The following TMEM132D variants were observed in gnomAD, a reference collection of about 807,000 sequenced individuals.
TMEM132D encodes mature OL transmembrane protein.
In TMEM132D, 21 loss-of-function variants were observed where a neutral mutation model predicts 62.3. That is an observed-to-expected ratio of 0.34 (90% CI 0.24 to 0.49). TMEM132D has a LOEUF of 0.49. Ranked by LOEUF, TMEM132D falls within the 20% of genes least tolerant of loss-of-function variation. The pLI is 0.99. For missense variants in TMEM132D, 1,346 were observed against 1,402.8 expected (o/e 0.96, Z 0.65); for synonymous variants, 621 against 575.6 (o/e 1.08, Z -1.13).
chr12:129,085,857 G>A (rs576770860), intron 5 of TMEM132D: 1 of 152,360 alleles, frequency 6.6e-6, no homozygotes, highest in Admixed American at 6.5e-5. Context: ...CTCTTGTCTT[G>A]TCTCCTAGCT....
chr12:129,636,737 T>TGTGTGTGTGTGTGTGTGTGTGAGAGA (rs375868329), intron 2 of TMEM132D, among the ~76,000 whole-genome samples: 63 of 113,610 alleles, frequency 5.5e-4, no homozygotes, highest in Admixed American at 8.9e-4. Flanking sequence ...TGTGTGTGTG[T>TGTGTGTGTGTGTGTGTGTGTGAGAGA]GAGAGAGAGA....
intron 2 of TMEM132D, among the ~76,000 whole-genome samples, chr12:129,549,943 G>A (rs547178206): frequency 6.6e-6 from 1 of 152,288 alleles, no homozygotes; most frequent in South Asian, 2.1e-4. Context: ...AAACACGAAG[G>A]TCTTCAGGTT....
intron 3 of TMEM132D, among the ~76,000 whole-genome samples, chr12:129,451,069 A>G (rs59572196): frequency 0.045 from 6,797 of 152,012 alleles, 501 homozygotes; most frequent in African/African-American, 0.15. Flanking sequence ...GCCAATTTTC[A>G]TCACTTCTTA....
intron 1 of TMEM132D, among the ~76,000 whole-genome samples, chr12:129,770,246 C>T (rs1297070409): frequency 1.4e-5 from 2 of 142,556 alleles, no homozygotes; most frequent in Non-Finnish European, 3.0e-5. Flanking sequence ...TGGGTTCAAG[C>T]GATTGTCCTG....
intron 2 of TMEM132D, among the ~76,000 whole-genome samples, chr12:129,596,510 A>G (rs576200528): frequency 6.6e-6 from 1 of 151,770 alleles, no homozygotes; most frequent in African/African-American, 2.4e-5. Context: ...AAATCTGTGG[A>G]CACCAAAATC....
chr12:129,571,562 G>T (rs1219220099), intron 2 of TMEM132D, among the ~76,000 whole-genome samples: 1 of 151,880 alleles, frequency 6.6e-6, no homozygotes, highest in Non-Finnish European at 1.5e-5. Context: ...AACAGAATGA[G>T]ACTCCATCTC....
chr12:129,694,147 C>T (rs1343196318), intron 2 of TMEM132D, among the ~76,000 whole-genome samples: 4 of 152,188 alleles, frequency 2.6e-5, no homozygotes, highest in Non-Finnish European at 5.9e-5. Flanking sequence ...ACTAAAAAGG[C>T]AAGAACTGGG....
In TMEM132D at chr12:129,269,718, T is replaced by A. The variant is rs78827207; in HGVS notation, c.1300-60055A>T. ...GTTACCACTGTTCTAGGGTCTGCTT[T>A]GTTCCTGCCTGTTCCGCTCCAGCTC... On this transcript the variant is annotated intron_variant, in intron 4 of 8. Transcript: ENST00000422113. Among the ~76,000 whole-genome samples the A allele has an allele frequency of 2.0e-5, 3 of 152,176 alleles. No homozygotes were observed. The East Asian group carries it at 5.8e-4, about 29-fold the overall frequency.
chr12:129,436,514 CTTTTAGT>C (rs1215646361), intron 3 of TMEM132D, among the ~76,000 whole-genome samples: 1 of 152,160 alleles, frequency 6.6e-6, no homozygotes, highest in Non-Finnish European at 1.5e-5. Flanking sequence ...ATATGCAAGA[CTTTTAGT>C]TGCAGCATTA....
intron 3 of TMEM132D, among the ~76,000 whole-genome samples, chr12:129,513,869 GCT>G (rs1461859538): frequency 7.6e-6 from 1 of 132,264 alleles, no homozygotes; most frequent in Non-Finnish European, 1.6e-5. Flanking sequence ...ACGGAGTCTC[GCT>G]CTGTCGCCCA....
In TMEM132D at chr12:129,645,910, G is replaced by T. The variant is rs190146254; in HGVS notation, c.968+53900C>A. Among the ~76,000 whole-genome samples the T allele has an allele frequency of 1.5e-4, 23 of 152,186 alleles. 1 individual carries two copies. The East Asian group carries it at 4.5e-3, about 30-fold the overall frequency. ...GAAGTTCCCCTATATGTTCTAAAAG[G>T]GGGTAGAACCCTCAGTTCCAGGAAC... On this transcript the variant is annotated intron_variant, in intron 2 of 8. Coordinates refer to ENST00000422113, the MANE Select transcript of TMEM132D (RefSeq NM_133448.3).
At chr12:129,860,601 C>A (rs528705175) in intron 1 of TMEM132D, among the ~76,000 whole-genome samples, 1 of 152,132 alleles carries the variant, frequency 6.6e-6, no homozygotes, top group Non-Finnish European at 1.5e-5. Flanking sequence ...CTTCTCATAA[C>A]CTAATTTTAT....
At chr12:129,690,807 G>C (rs1881045152) in intron 2 of TMEM132D, among the ~76,000 whole-genome samples, 1 of 152,130 alleles carries the variant, frequency 6.6e-6, no homozygotes. Context: ...AAATCAGTAA[G>C]GATGTAGATG....
intron 2 of TMEM132D, among the ~76,000 whole-genome samples, chr12:129,651,551 C>T (rs976839104): frequency 6.6e-6 from 1 of 152,128 alleles, no homozygotes; most frequent in African/African-American, 2.4e-5. Context: ...TAAACCACAA[C>T]GTGTCTGAAA....
intron 2 of TMEM132D, among the ~76,000 whole-genome samples, chr12:129,607,098 C>A (rs570086435): frequency 4.5e-4 from 68 of 149,916 alleles, no homozygotes; most frequent in African/African-American, 1.7e-3. Flanking sequence ...AGTCACTCTG[C>A]AATTGGGGAG....
intron 3 of TMEM132D, among the ~76,000 whole-genome samples, chr12:129,420,306 G>GGTTTTTTTT (rs1457529737): frequency 2.7e-5 from 3 of 112,298 alleles, no homozygotes; most frequent in East Asian, 3.6e-4. Context: ...CACGTTCTCT[G>GGTTTTTTTT]TTTTTTTTTT....
In TMEM132D at chr12:129,587,472, C is replaced by T. The variant is rs573532648; in HGVS notation, c.969-56267G>A. 5.3e-5 allele frequency among the ~76,000 whole-genome samples: 8 copies of T among 152,070 alleles called. No homozygotes were observed. In the South Asian group the frequency reaches 1.5e-3, roughly 28 times the overall value. ...TCATTTCCTGGGTGATGAACTAATT[C>T]GTACAACAAACCCCCATGACACGAG... On this transcript the variant is annotated intron_variant, in intron 2 of 8. Transcript: ENST00000422113.
chr12:129,684,237 A>C (rs1880853334), intron 2 of TMEM132D, among the ~76,000 whole-genome samples: 1 of 152,172 alleles, frequency 6.6e-6, no homozygotes, highest in South Asian at 2.1e-4. Context: ...AGAAAGATCC[A>C]GTGGGAGATA....
At chr12:129,397,167 T>G (rs1003583769) in intron 3 of TMEM132D, among the ~76,000 whole-genome samples, 8 of 152,218 alleles carry the variant, frequency 5.3e-5, no homozygotes, top group Non-Finnish European at 1.2e-4. Context: ...TTTTCTACCT[T>G]CAACAGCTCA....
Sources: gnomAD v4.1 joint callset for allele counts (sites outside exome capture counted in the v4.1 genomes callset) on GRCh38, gnomAD v4.1.1 for gene constraint, MANE v1.5 for transcripts, NCBI Gene and HGNC (gene_info 2026-07-23, HGNC 2026-07-21) for gene names.